Variants in TBX22 observed in about 807,000 individuals in gnomAD.
TBX22 encodes T-box transcription factor TBX22.
TBX22 carries 8 observed loss-of-function variants against 30.1 expected under a neutral mutation model. The ratio of observed to expected loss-of-function variants is 0.27; its 90% confidence interval spans 0.16 to 0.48. TBX22 has a LOEUF of 0.48. Ranked by LOEUF, TBX22 falls within the 20% of genes least tolerant of loss-of-function variation. TBX22 has a pLI of 0.99. For synonymous variants in TBX22, 173 were observed against 149.1 expected (o/e 1.16, Z -1.17); for missense variants, 463 against 400.5 (o/e 1.16, Z -1.33).
Position 80,031,003 on chromosome X carries a change from G to C in TBX22, c.1455G>C (p.Leu485=). 8.3e-7 allele frequency: 1 copy of C among 1,211,675 alleles called. No individual in the cohort carries two copies. Among genetic ancestry groups the C allele is most frequent in the Non-Finnish European group, 1.1e-6 (1 of 895,249 alleles). The change falls in exon 9 of 9, where the codon CTG becomes CTC. Residue 485 remains leucine (L), a synonymous_variant. Transcript: ENST00000373296. ...YRYNFSMPSR[L]ISGSNHLKVN... ...ACAATTTCTCTATGCCATCTAGACT[G>C]ATAAGTGGTTCCAACCATCTTAAAG...
In TBX22 at chrX:80,015,743, T is replaced by C. The variant is rs753841063; in HGVS notation, c.-3+856T>C. On this transcript the variant is annotated intron_variant, in intron 1 of 8. Transcript: ENST00000373296. ...CAAGGAGTTTGCTGTAGGGTGGTGA[T>C]ATGGTTGCTTTGTTTCAGTTCAGCA... Among the ~76,000 whole-genome samples, 47 of 111,740 alleles carry C rather than the reference T, an allele frequency of 4.2e-4. 1 individual carries two copies. The highest frequency in any genetic ancestry group is 1.5e-4 in the Non-Finnish European group (8 of 53,129).
At chrX:80,027,361 G>C in intron 7 of TBX22, 41 bp downstream of exon 7, 1 of 654,728 alleles carries the variant, frequency 1.5e-6, no homozygotes, top group Non-Finnish European at 2.4e-6. Flanking sequence ...GATGTAGCTA[G>C]CTATTTTCAC....
chrX:80,028,174 T>G, intron 8 of TBX22, 98 bp downstream of exon 8: 1 of 724,056 alleles, frequency 1.4e-6, no homozygotes, highest in Admixed American at 2.6e-5. Context: ...GATATGTACA[T>G]GCAAGAAAAT....
Position 80,014,762 on chromosome X carries a change from T to C in TBX22, c.-128T>C, listed in dbSNP as rs1473176493. ...GCTCTGGCTCTAGGCCACTCTTCTC[T>C]GGGCTCTTGAGAAGAGCTGCTGCAG... On this transcript the variant is annotated 5_prime_UTR_variant, in exon 1 of 9. Coordinates refer to ENST00000373296, the MANE Select transcript of TBX22 (RefSeq NM_001109878.2). 8.9e-6 allele frequency: 1 copy of C among 112,396 alleles called. No homozygotes were observed. Among genetic ancestry groups the C allele is most frequent in the Non-Finnish European group, 1.9e-5 (1 of 53,294 alleles). The allele number at this position is 112,396 out of a possible 1,213,427, so 9.3% of individuals were successfully genotyped here. A position where few individuals can be genotyped will look rare whatever the true frequency, so the allele number is the denominator to read the frequency against.
intron 2 of TBX22, 23 bp downstream of exon 2, chrX:80,022,467 G>C: frequency 1.7e-6 from 2 of 1,162,880 alleles, no homozygotes; most frequent in Non-Finnish European, 2.3e-6. Flanking sequence ...ATTGCCCTGA[G>C]CCCGTTGCCT....
At chrX:80,022,924 G>A (rs1923790677) in intron 2 of TBX22, 136 bp from the exon 3 acceptor site, 6 of 624,333 alleles carry the variant, frequency 9.6e-6, no homozygotes, top group East Asian at 7.1e-5. Context: ...GTGTTATGCG[G>A]AGCTTGGGGA....
rs750989813 is a variant in TBX22 at position 80,030,941 on chromosome X, A to G, written c.1393A>G (p.Ser465Gly). The G allele has an allele frequency of 1.7e-6, 2 of 1,211,640 alleles. No homozygotes were observed. Among genetic ancestry groups the G allele is most frequent in the Admixed American group, 2.2e-5 (1 of 46,070 alleles). Residue 465 changes from serine to glycine, a missense_variant, in exon 9 of 9, where the codon AGT becomes GGT. Transcript: ENST00000373296. The stretch of plus-strand genomic sequence containing the variant: ...AAACTCCATCACCCCAGAAGCACTT[A>G]GTTGCTCCTTTCATCCTTCCTATGA... ...LPNSITPEAL[S>G]CSFHPSYDFY...
intron 2 of TBX22, 150 bp from the exon 3 acceptor site, chrX:80,022,910 G>C (rs1923789379): frequency 3.6e-6 from 2 of 552,043 alleles, no homozygotes; most frequent in South Asian, 5.6e-5. Flanking sequence ...AGCGGCCACA[G>C]AGGGTGTTAT....
chrX:80,022,836 A>T (rs1024400107), intron 2 of TBX22, among the ~76,000 whole-genome samples: 1 of 105,899 alleles, frequency 9.4e-6, no homozygotes, highest in Non-Finnish European at 1.9e-5. Flanking sequence ...AAAAAAAAAA[A>T]GCTGGTGTGG....
intron 1 of TBX22, among the ~76,000 whole-genome samples, chrX:80,017,291 T>C (rs1309619376): frequency 1.9e-5 from 2 of 107,272 alleles, no homozygotes; most frequent in Non-Finnish European, 3.8e-5. Flanking sequence ...TGTGTGTGTG[T>C]GTGTGTGTGT....
intron 8 of TBX22, among the ~76,000 whole-genome samples, chrX:80,029,543 G>C (rs1024633535): frequency 6.3e-5 from 7 of 111,893 alleles, no homozygotes; most frequent in African/African-American, 2.3e-4. Flanking sequence ...AAGAAAAAAA[G>C]CTAAGGCTTT....
chrX:80,022,441 C>T lies in TBX22; in HGVS notation c.172C>T (p.Leu58Phe), dbSNP rs778577936. The change falls in exon 2 of 9, where the codon CTT becomes TTT. Residue 58 changes from leucine (L) to phenylalanine (F), a missense_variant. Leu to Phe is a conservative substitution (Grantham distance 22). Transcript: ENST00000373296. ...RSSAAGKSEP[L>F]EKQPKTEPST... is the part of the protein sequence containing the mutation. ...CAGCGCTGCAGGGAAGAGCGAGCCG[C>T]TTGGTAAGTACTGCCATTGCCCTGA... 5 of 1,180,556 alleles carry T rather than the reference C, an allele frequency of 4.2e-6. No homozygotes were observed. In the South Asian group the frequency reaches 7.5e-5, roughly 18 times the overall value.
At chrX:80,021,815 G>T (rs953796631) in intron 1 of TBX22, among the ~76,000 whole-genome samples, 1 of 111,906 alleles carries the variant, frequency 8.9e-6, no homozygotes, top group Admixed American at 9.4e-5. Flanking sequence ...AACCTGAGCC[G>T]CCATTGGCGG....
rs1379889290 is a variant in TBX22 at position 80,028,006 on chromosome X, G to A, written c.879G>A (p.Gly293=). 10 of 1,207,895 alleles carry A rather than the reference G, an allele frequency of 8.3e-6. No homozygotes were observed. The highest frequency in any genetic ancestry group is 1.1e-5 in the Non-Finnish European group (10 of 893,422). Residue 293 remains glycine, a synonymous_variant, in exon 8 of 9, where the codon GGG becomes GGA. Transcript: ENST00000373296. The stretch of plus-strand genomic sequence containing the variant: ...TCTTTTTTAGGGGTGTATTGGATGG[G>A]CTTTTAGAGACCTACCCATGGAGGC... The part of the protein sequence containing the change: ...DTGRNRGVLD[G]LLETYPWRPS...
In TBX22 at chrX:80,028,131, TC is replaced by T. The variant is rs76000388; in HGVS notation, c.949+57del. 64,707 of 1,036,664 alleles carry T rather than the reference TC, an allele frequency of 0.062. 5,248 individuals are homozygous for T. Among genetic ancestry groups the T allele is most frequent in the East Asian group, 0.5 (16,352 of 32,564 alleles). The allele number at this position is 1,036,664 out of a possible 1,213,427, so 85.4% of individuals were successfully genotyped here. ...TTTACATATCAATTAAATAACAACA[TC>T]CGGAACCCTTGTACCAAATACTACA... On this transcript the variant is annotated intron_variant, in intron 8 of 8. Coordinates refer to ENST00000373296, the MANE Select transcript of TBX22 (RefSeq NM_001109878.2).
chrX:80,018,302 C>T (rs1923537744), intron 1 of TBX22, among the ~76,000 whole-genome samples: 1 of 111,945 alleles, frequency 8.9e-6, no homozygotes, highest in African/African-American at 3.2e-5. Flanking sequence ...TTGGTAAATA[C>T]CAAAGATATA....
chrX:80,021,726 C>T (rs751391893), intron 1 of TBX22, among the ~76,000 whole-genome samples: 1 of 111,865 alleles, frequency 8.9e-6, no homozygotes, highest in African/African-American at 3.2e-5. Context: ...TTTATGCTTC[C>T]AATAGTTTCC....
chrX:80,018,287 T>C (rs774432906), intron 1 of TBX22, among the ~76,000 whole-genome samples: 5 of 112,285 alleles, frequency 4.5e-5, no homozygotes, highest in Non-Finnish European at 7.5e-5. Context: ...TACACTTACA[T>C]TGCATTGGTA....
intron 7 of TBX22, among the ~76,000 whole-genome samples, chrX:80,027,695 T>C (rs1253325867): frequency 2.7e-5 from 3 of 111,875 alleles, no homozygotes; most frequent in Non-Finnish European, 5.6e-5. Flanking sequence ...GTTTTAAGGA[T>C]AAGAAAACTG....
Sources: gnomAD v4.1 joint callset for allele counts (sites outside exome capture counted in the v4.1 genomes callset) on GRCh38, gnomAD v4.1.1 for gene constraint, MANE v1.5 for transcripts, NCBI Gene and HGNC (gene_info 2026-07-23, HGNC 2026-07-21) for gene names.